The following NR6A1 variants were observed in gnomAD, a reference collection of about 807,000 sequenced individuals.
NR6A1 encodes retinoic acid receptor-related testis-associated receptor.
NR6A1 carries 7 observed loss-of-function variants against 59.1 expected under a neutral mutation model. That is an observed-to-expected ratio of 0.12 (90% CI 0.07 to 0.22). NR6A1 has a LOEUF of 0.22. Ranked by LOEUF, NR6A1 falls within the 10% of genes least tolerant of loss-of-function variation. The probability of loss-of-function intolerance (pLI) is 1.00; values close to 1 mark genes in which losing one functional copy is unlikely to be tolerated. For synonymous variants in NR6A1, 243 were observed against 236.1 expected, an observed-to-expected ratio of 1.03 and a Z score of -0.27; for missense variants, 468 against 611.6, an observed-to-expected ratio of 0.77 and a Z score of 2.48.
chr9:124,536,032 A>C lies in NR6A1; in HGVS notation c.925T>G (p.Cys309Gly). 1.2e-6 allele frequency: 2 copies of C among 1,614,230 alleles called. No individual in the cohort carries two copies. Among genetic ancestry groups the C allele is most frequent in the Non-Finnish European group, 1.7e-6 (2 of 1,180,036 alleles). ...IAWIKKLPFF[C>G]ELSIKDYTCL... ...GTGTAATCCTTGATTGAGAGCTCGC[A>C]GAAGAAAGGCAGTTTCTTGATCCAG... The change falls in exon 7 of 10, where the codon TGC becomes GGC. Residue 309 changes from cysteine to glycine, a missense_variant. Physicochemically the swap from Cys to Gly is radical, Grantham distance 159. Around this residue, in one of 4 missense-constraint regions of NR6A1, gnomAD observed 176 missense variants for 264.0 expected, o/e 0.67. Transcript: ENST00000487099.
chr9:124,725,706 G>C (rs1281473532), intron 2 of NR6A1, among the ~76,000 whole-genome samples: 1 of 152,210 alleles, frequency 6.6e-6, no homozygotes, highest in East Asian at 1.9e-4. Flanking sequence ...GGGAGACCAA[G>C]GCAGGAGGAT....
chr9:124,756,974 A>C (rs1292940776), intron 1 of NR6A1, among the ~76,000 whole-genome samples: 3 of 140,878 alleles, frequency 2.1e-5, no homozygotes, highest in African/African-American at 7.6e-5. Context: ...GCAACATTCT[A>C]GTGCCAGAAT....
chr9:124,526,914 A>G lies in NR6A1; in HGVS notation c.1080-14T>C. 3.1e-6 allele frequency: 5 copies of G among 1,613,444 alleles called. No individual in the cohort carries two copies. The highest frequency in any genetic ancestry group is 4.2e-6 in the Non-Finnish European group (5 of 1,179,498). ...TCATCACTAAATCTGAGGAACAGAC[A>G]CAGGTGTTAACAGTTGGCTGTGACA... On this transcript the variant is annotated splice_polypyrimidine_tract_variant and intron_variant, in intron 7 of 9. Coordinates refer to ENST00000487099, the MANE Select transcript of NR6A1 (RefSeq NM_033334.4).
chr9:124,716,403 T>G (rs1308041161), intron 2 of NR6A1, among the ~76,000 whole-genome samples: 1 of 152,202 alleles, frequency 6.6e-6, no homozygotes, highest in Non-Finnish European at 1.5e-5. Flanking sequence ...AATCTCAGGT[T>G]AGGCCAAGAT....
At chr9:124,544,099 A>G (rs994987851) in intron 3 of NR6A1, among the ~76,000 whole-genome samples, 3 of 152,218 alleles carry the variant, frequency 2.0e-5, no homozygotes, top group Non-Finnish European at 4.4e-5. Context: ...TATACATTCA[A>G]TATGTTCGAA....
chr9:124,582,459 A>T (rs1225049108), intron 2 of NR6A1, among the ~76,000 whole-genome samples: 1 of 152,164 alleles, frequency 6.6e-6, no homozygotes, highest in Non-Finnish European at 1.5e-5. Flanking sequence ...AAAAATAACT[A>T]ATGGATGCTA....
Position 124,733,352 on chromosome 9 carries a change from A to G in NR6A1, c.101-3T>C. 6.2e-7 allele frequency: 1 copy of G among 1,611,686 alleles called. No homozygotes were observed. The highest frequency in any genetic ancestry group is 1.1e-5 in the South Asian group (1 of 91,046). ...TGCCAATTCATCCTGACAGAAACCT[A>G]AAGAGAAAACAATAGGAAAAAAAAT... On this transcript the variant is annotated splice_polypyrimidine_tract_variant and splice_region_variant and intron_variant, in intron 1 of 9. Coordinates refer to ENST00000487099, the MANE Select transcript of NR6A1 (RefSeq NM_033334.4).
chr9:124,681,141 A>C (rs985143503), intron 2 of NR6A1, among the ~76,000 whole-genome samples: 1 of 152,184 alleles, frequency 6.6e-6, no homozygotes, highest in African/African-American at 2.4e-5. Flanking sequence ...CTGCTTCAAG[A>C]AGCAGCACTG....
chr9:124,646,654 C>A (rs114150920), intron 2 of NR6A1, among the ~76,000 whole-genome samples: 1,571 of 152,186 alleles, frequency 0.01, 27 homozygotes, highest in African/African-American at 0.036. Flanking sequence ...CTAACACTAA[C>A]AATAGCTAAT....
At chr9:124,704,013 T>C (rs72761502) in intron 2 of NR6A1, among the ~76,000 whole-genome samples, 1 of 152,332 alleles carries the variant, frequency 6.6e-6, no homozygotes, top group Non-Finnish European at 1.5e-5. Flanking sequence ...CACCTGGGCC[T>C]AGGCTTCTCT....
At chr9:124,665,191 A>AC (rs1564226099) in intron 2 of NR6A1, among the ~76,000 whole-genome samples, 1 of 151,810 alleles carries the variant, frequency 6.6e-6, no homozygotes, top group African/African-American at 2.4e-5. Context: ...CTCAAAAAAA[A>AC]AAAAAAGAAT....
At chr9:124,541,950 T>A (rs956064442) in intron 4 of NR6A1, among the ~76,000 whole-genome samples, 1 of 152,242 alleles carries the variant, frequency 6.6e-6, no homozygotes, top group Non-Finnish European at 1.5e-5. Flanking sequence ...TTCCACTTTA[T>A]GAGGTATCTA....
intron 1 of NR6A1, among the ~76,000 whole-genome samples, chr9:124,757,673 T>G (rs543783274): frequency 1.1e-3 from 173 of 152,272 alleles, no homozygotes; most frequent in African/African-American, 4.1e-3. Flanking sequence ...AGACAGACCC[T>G]CAGAAATCAC....
intron 2 of NR6A1, among the ~76,000 whole-genome samples, chr9:124,732,417 G>A (rs1839910093): frequency 6.6e-6 from 1 of 152,154 alleles, no homozygotes; most frequent in Admixed American, 6.5e-5. Context: ...CCAGAATGGT[G>A]CACGCCACCA....
chr9:124,723,610 AAC>A (rs1839627131), intron 2 of NR6A1, among the ~76,000 whole-genome samples: 1 of 152,234 alleles, frequency 6.6e-6, no homozygotes, highest in Non-Finnish European at 1.5e-5. Context: ...AATTGAATAA[AAC>A]AGTTTCAACA....
intron 2 of NR6A1, among the ~76,000 whole-genome samples, chr9:124,627,852 C>T (rs1429150925): frequency 1.4e-5 from 2 of 144,904 alleles, no homozygotes; most frequent in African/African-American, 2.5e-5. Context: ...GGATTACAGG[C>T]ATAAGCCACC....
intron 2 of NR6A1, among the ~76,000 whole-genome samples, chr9:124,710,765 G>C (rs1414754464): frequency 6.6e-6 from 1 of 152,164 alleles, no homozygotes; most frequent in Non-Finnish European, 1.5e-5. Context: ...GGGTGGAAAA[G>C]TTGCAAAGAT....
chr9:124,595,679 A>G (rs1835252009), intron 2 of NR6A1: 3 of 733,222 alleles, frequency 4.1e-6, no homozygotes, highest in African/African-American at 1.8e-5. Context: ...CTTCTCCCTC[A>G]AGGCTATTTG....
At position 124,738,211 on chromosome 9, in the gene NR6A1, G is replaced by A. The variant is rs544993406; in HGVS notation, c.101-4862C>T. The stretch of plus-strand genomic sequence containing the variant: ...GGAGGTTGCAGTGAGCGGAGATCGC[G>A]CCACTGTACTCCAGCCTGGGCAACA... On this transcript the variant is annotated intron_variant, in intron 1 of 9. Transcript: ENST00000487099. Among the ~76,000 whole-genome samples, 27 of 152,108 alleles carry A rather than the reference G, an allele frequency of 1.8e-4. No homozygotes were observed. In the Middle Eastern group the frequency reaches 0.01, roughly 57 times the overall value.
Sources: allele counts gnomAD v4.1 joint callset (sites outside exome capture counted in the v4.1 genomes callset), GRCh38; gene constraint gnomAD v4.1.1; regional missense constraint gnomAD v4.1.1; transcripts MANE v1.5; gene names NCBI Gene and HGNC (gene_info 2026-07-23, HGNC 2026-07-21).